Variants in RANBP2 observed in about 807,000 individuals in gnomAD.
RANBP2 encodes E3 SUMO-protein ligase RanBP2.
RANBP2 carries 57 observed loss-of-function variants against 303.6 expected under a neutral mutation model. The ratio of observed to expected loss-of-function variants is 0.19; its 90% CI spans 0.15 to 0.23. The LOEUF is 0.23. Ranked by LOEUF, RANBP2 falls within the 10% of genes least tolerant of loss-of-function variation. The probability of loss-of-function intolerance (pLI) is 1.00; values close to 1 mark genes in which losing one functional copy is unlikely to be tolerated. For synonymous variants in RANBP2, 1,167 were observed against 1,301.5 expected (o/e 0.90, Z 2.23); for missense variants, 3,138 against 3,780.8 (o/e 0.83, Z 4.46).
the RANBP2 span, among the ~76,000 whole-genome samples, chr2:109,018,849 T>C: frequency 1.3e-5 from 2 of 152,256 alleles, no homozygotes; most frequent in African/African-American, 2.4e-5. Flanking sequence ...CTGGTTGGAT[T>C]ACATTTCTTT....
chr2:109,333,357 T>C, the RANBP2 span, among the ~76,000 whole-genome samples: 1 of 152,254 alleles, frequency 6.6e-6, no homozygotes, highest in African/African-American at 2.4e-5. Flanking sequence ...ATGTAATGTA[T>C]TGGTTTCAGC....
At chr2:109,371,618 T>C in the RANBP2 span, 1 of 1,613,502 alleles carries the variant, frequency 6.2e-7, no homozygotes, top group East Asian at 2.2e-5. Context: ...GGAGAGTGGA[T>C]GAGAACTGGG....
chr2:109,692,967 C>T, the RANBP2 span, among the ~76,000 whole-genome samples: 12 of 151,438 alleles, frequency 7.9e-5, no homozygotes, highest in African/African-American at 1.9e-4. Flanking sequence ...TACAGGCACC[C>T]GCCACGGTGT....
the RANBP2 span, among the ~76,000 whole-genome samples, chr2:109,196,735 C>T: frequency 3.9e-5 from 6 of 152,166 alleles, no homozygotes; most frequent in East Asian, 3.9e-4. Flanking sequence ...GAGGGAGCTG[C>T]ACCACATGCC....
chr2:109,734,137 C>T, the RANBP2 span, among the ~76,000 whole-genome samples: 2 of 149,156 alleles, frequency 1.3e-5, no homozygotes, highest in Non-Finnish European at 3.0e-5. Flanking sequence ...TGAGATCATG[C>T]CATTGCACTC....
intron 17 of RANBP2, 146 bp from the exon 18 acceptor site, chr2:108,758,267 A>T: frequency 7.4e-7 from 1 of 1,347,432 alleles, no homozygotes; most frequent in South Asian, 1.5e-5. Flanking sequence ...ATTGCACTCC[A>T]GCCTGGACGA....
the RANBP2 span, among the ~76,000 whole-genome samples, chr2:109,147,793 T>C: frequency 6.6e-6 from 1 of 152,240 alleles, no homozygotes; most frequent in African/African-American, 2.4e-5. Context: ...TATCCCGAAT[T>C]GGAGCCTAGC....
chr2:108,947,332 T>C, the RANBP2 span, among the ~76,000 whole-genome samples: 1 of 152,148 alleles, frequency 6.6e-6, no homozygotes, highest in Non-Finnish European at 1.5e-5. Context: ...CTGTGGATTT[T>C]CCAAGTGCAT....
the RANBP2 span, among the ~76,000 whole-genome samples, chr2:109,496,329 C>T: frequency 1.3e-5 from 2 of 152,032 alleles, no homozygotes; most frequent in African/African-American, 2.4e-5. Context: ...GTGCATTTTA[C>T]AATCCTCTTG....
the RANBP2 span, among the ~76,000 whole-genome samples, chr2:109,009,730 G>A: frequency 6.9e-6 from 1 of 145,254 alleles, no homozygotes; most frequent in Non-Finnish European, 1.5e-5. Context: ...TTTTTTGCAG[G>A]GACAAGGATC....
chr2:109,319,910 T>C, the RANBP2 span, among the ~76,000 whole-genome samples: 1 of 152,216 alleles, frequency 6.6e-6, no homozygotes, highest in Non-Finnish European at 1.5e-5. Context: ...GGTGGTTACA[T>C]CTGGGGTCCC....
intron 19 of RANBP2, 77 bp downstream of exon 19, chr2:108,762,272 A>G: frequency 1.4e-6 from 2 of 1,390,560 alleles, no homozygotes; most frequent in Non-Finnish European, 1.9e-6. Flanking sequence ...TAAATTCAAG[A>G]GAGCAGTTCA....
At chr2:109,170,244 T>TTTCTCTTCTCTTCTCTTCTCTTCTC in the RANBP2 span, among the ~76,000 whole-genome samples, 3 of 32,966 alleles carry the variant, frequency 9.1e-5, no homozygotes, top group East Asian at 8.9e-4. Context: ...CTTCTTTTCT[T>TTTCTCTTCTCTTCTCTTCTCTTCTC]TTCTCTTCTC....
the RANBP2 span, among the ~76,000 whole-genome samples, chr2:109,249,959 C>T: frequency 1.3e-5 from 2 of 151,976 alleles, no homozygotes; most frequent in East Asian, 3.9e-4. Context: ...GCTGGGATTA[C>T]AGGCGTGAGC....
the RANBP2 span, among the ~76,000 whole-genome samples, chr2:109,346,404 T>C: frequency 6.6e-6 from 1 of 152,216 alleles, no homozygotes; most frequent in African/African-American, 2.4e-5. Context: ...TGTGCTTCTA[T>C]TGATTGATTC....
intron 8 of RANBP2, among the ~76,000 whole-genome samples, 188 bp downstream of exon 8, chr2:108,746,986 TTTGATA>T (rs1466402533): frequency 4.6e-5 from 7 of 152,164 alleles, no homozygotes; most frequent in Non-Finnish European, 1.0e-4. Context: ...AAAATGAATA[TTTGATA>T]TTGTTTGTTC....
chr2:108,734,098 A>C (rs1302478640), intron 4 of RANBP2, among the ~76,000 whole-genome samples: 1 of 152,080 alleles, frequency 6.6e-6, no homozygotes, highest in Non-Finnish European at 1.5e-5. Flanking sequence ...GGGAGAGGCC[A>C]GGGTTTCATC....
chr2:109,099,158 A>T, the RANBP2 span, among the ~76,000 whole-genome samples: 1 of 152,240 alleles, frequency 6.6e-6, no homozygotes, highest in South Asian at 2.1e-4. Flanking sequence ...AGGAGGAGCT[A>T]TGAATATTCA....
chr2:108,999,172 T>TAA, the RANBP2 span, among the ~76,000 whole-genome samples: 1 of 152,216 alleles, frequency 6.6e-6, no homozygotes, highest in Non-Finnish European at 1.5e-5. Flanking sequence ...GCTTCTAACT[T>TAA]GCTTAACCTC....
Sources: allele counts gnomAD v4.1 joint callset (sites outside exome capture counted in the v4.1 genomes callset), GRCh38; gene constraint gnomAD v4.1.1; transcripts MANE v1.5; gene names NCBI Gene and HGNC (gene_info 2026-07-23, HGNC 2026-07-21).